CCDC201: variants seen among roughly 807,000 people sequenced by gnomAD.
CCDC201 encodes the protein coiled-coil domain-containing protein 201.
upstream of CCDC201, among the ~76,000 whole-genome samples, chr7:45,877,618 C>CTA (rs1482833223): frequency 6.6e-6 from 1 of 152,088 alleles, no homozygotes; most frequent in Non-Finnish European, 1.5e-5. Flanking sequence ...AGAGGAGGTG[C>CTA]TATACACTTT....
the CCDC201 span, among the ~76,000 whole-genome samples, chr7:45,881,806 G>C: frequency 6.6e-6 from 1 of 152,144 alleles, no homozygotes; most frequent in Non-Finnish European, 1.5e-5. Context: ...GGTCCCTTGG[G>C]CTTTGGCCTG....
intron 1 of CCDC201, among the ~76,000 whole-genome samples, chr7:45,871,053 C>T (rs761876087): frequency 3.3e-5 from 5 of 152,012 alleles, no homozygotes; most frequent in Non-Finnish European, 7.4e-5. Context: ...AAAATCAGTA[C>T]TTAAATGTTG....
chr7:45,872,854 C>G (rs937942974), intron 1 of CCDC201, 136 bp downstream of exon 1: 9 of 152,754 alleles, frequency 5.9e-5, no homozygotes, highest in Admixed American at 5.2e-4. Context: ...CAGCTCAGGA[C>G]AGGGCCAGGC....
At position 45,860,818 on chromosome 7, in the gene CCDC201, C is replaced by T. The variant is rs188165428; in HGVS notation, c.*2267G>A. The T allele has an allele frequency of 2.0e-5, 3 of 152,348 alleles. No individual in the cohort carries two copies. The East Asian group carries it at 5.8e-4, about 29-fold the overall frequency. The allele number at this position is 152,348 out of a possible 1,614,324, so 9.4% of individuals were successfully genotyped here. On this transcript the variant is annotated 3_prime_UTR_variant, in exon 3 of 3. Transcript: ENST00000636578. ...TTAGCTGCTTCCTGTAGGTATCTTCCCATGGATGGAACATGTGATGTGCAC... is the reference window on the plus strand; with the variant it reads ...TTAGCTGCTTCCTGTAGGTATCTTCTCATGGATGGAACATGTGATGTGCAC...
upstream of CCDC201, among the ~76,000 whole-genome samples, chr7:45,877,321 C>A (rs1786822652): frequency 6.6e-6 from 1 of 152,270 alleles, no homozygotes; most frequent in South Asian, 2.1e-4. Flanking sequence ...TCTACACAAC[C>A]AGTGTGCTCT....
chr7:45,865,236 G>A (rs960258724), intron 2 of CCDC201, among the ~76,000 whole-genome samples: 2 of 152,256 alleles, frequency 1.3e-5, no homozygotes. Context: ...CTGGGGATCA[G>A]AGCCCTTGCA....
exon 3 of CCDC201, chr7:45,863,053 G>T (rs984367766): frequency 3.3e-5 from 5 of 152,224 alleles, no homozygotes; most frequent in African/African-American, 1.2e-4. Context: ...CAGCTCTAGA[G>T]CACCCTGCCT....
At chr7:45,864,035 G>A (rs891455853) in intron 2 of CCDC201, among the ~76,000 whole-genome samples, 11 of 152,232 alleles carry the variant, frequency 7.2e-5, no homozygotes, top group Admixed American at 2.0e-4. Context: ...GAGGACCAGC[G>A]AATTCCCAGT....
intron 1 of CCDC201, among the ~76,000 whole-genome samples, chr7:45,871,993 T>C (rs1786748152): frequency 6.6e-6 from 1 of 152,138 alleles, no homozygotes; most frequent in Non-Finnish European, 1.5e-5. Flanking sequence ...AAGTTAGTAT[T>C]CTATTTGGAC....
chr7:45,879,773 A>G, the CCDC201 span, among the ~76,000 whole-genome samples: 1 of 152,204 alleles, frequency 6.6e-6, no homozygotes, highest in Non-Finnish European at 1.5e-5. Context: ...AAAATAACCT[A>G]ACACAGTATT....
exon 3 of CCDC201, chr7:45,860,323 C>T (rs1352359088): frequency 1.3e-5 from 2 of 152,190 alleles, no homozygotes; most frequent in African/African-American, 4.8e-5. Context: ...ATTTTCACTT[C>T]TTTTGTGGAT....
At chr7:45,869,607 C>T (rs2116522717) in intron 1 of CCDC201, among the ~76,000 whole-genome samples, 1 of 152,194 alleles carries the variant, frequency 6.6e-6, no homozygotes, top group Non-Finnish European at 1.5e-5. Flanking sequence ...TTCAGCAAAG[C>T]CCTTAAAACT....
chr7:45,861,492 T>C (rs1222664039), exon 3 of CCDC201: 2 of 152,242 alleles, frequency 1.3e-5, no homozygotes, highest in East Asian at 3.8e-4. Flanking sequence ...ATGAAGTTAC[T>C]GTCTAACTGC....
intron 1 of CCDC201, among the ~76,000 whole-genome samples, chr7:45,871,563 C>T (rs1010365037): frequency 6.6e-6 from 1 of 151,802 alleles, no homozygotes; most frequent in East Asian, 1.9e-4. Flanking sequence ...AACATAGAGG[C>T]CATAAAAGAG....
At chr7:45,873,760 C>A (rs1331524034), upstream of CCDC201, among the ~76,000 whole-genome samples, 1 of 152,152 alleles carries the variant, frequency 6.6e-6, no homozygotes, top group Admixed American at 6.5e-5. Flanking sequence ...CTAACCATGC[C>A]TTAACTTTTT....
chr7:45,883,246 T>A, the CCDC201 span, among the ~76,000 whole-genome samples: 1 of 151,670 alleles, frequency 6.6e-6, no homozygotes, highest in African/African-American at 2.4e-5. Flanking sequence ...TATGTGCTTG[T>A]CCCCTGTTCA....
the CCDC201 span, among the ~76,000 whole-genome samples, chr7:45,878,722 GC>G: frequency 6.6e-6 from 1 of 152,236 alleles, no homozygotes; most frequent in Non-Finnish European, 1.5e-5. Flanking sequence ...GGGAGTGGCT[GC>G]CCCCCTAGGT....
the CCDC201 span, among the ~76,000 whole-genome samples, chr7:45,882,502 C>T: frequency 6.6e-6 from 1 of 152,182 alleles, no homozygotes; most frequent in African/African-American, 2.4e-5. Flanking sequence ...TACTTCCCAG[C>T]TTTCATGACC....
upstream of CCDC201, among the ~76,000 whole-genome samples, chr7:45,873,920 CT>C (rs201948561): frequency 0.1 from 12,384 of 121,140 alleles, 1,161 homozygotes; most frequent in African/African-American, 0.3. Context: ...CATTTACTTA[CT>C]TTTTTTTTTT....
Sources: allele counts gnomAD v4.1 joint callset (sites outside exome capture counted in the v4.1 genomes callset), GRCh38; gene constraint gnomAD v4.1.1; transcripts MANE v1.5; gene names NCBI Gene and HGNC (gene_info 2026-07-23, HGNC 2026-07-21).